Variants in SLC39A9 observed in about 807,000 individuals in gnomAD.
The protein encoded by SLC39A9 is zinc transporter ZIP9.
SLC39A9 carries 14 observed loss-of-function variants against 28.4 expected under a neutral mutation model. The observed-to-expected ratio is 0.49, with a 90% CI of 0.33 to 0.77. The LOEUF (loss-of-function observed/expected upper bound fraction) is 0.77, where lower values mean the gene tolerates loss of function less well. Ranked by LOEUF, SLC39A9 falls within the 30% of genes least tolerant of loss-of-function variation. The pLI is 0.02. For missense variants in SLC39A9, 283 were observed against 381.1 expected (o/e 0.74, Z 2.14); for synonymous variants, 119 against 149.6 (o/e 0.80, Z 1.49).
In SLC39A9 at chr14:69,446,886, A is replaced by AG. The variant is rs1435412076; in HGVS notation, c.403+4620_403+4621insG. 1.4e-4 allele frequency among the ~76,000 whole-genome samples: 20 copies of AG among 146,928 alleles called. 1 individual carries two copies. Among genetic ancestry groups the AG allele is most frequent in the Non-Finnish European group, 2.9e-4 (19 of 66,166 alleles). On this transcript the variant is annotated intron_variant, in intron 3 of 6. Transcript: ENST00000336643. ...TAAACTCTGTCTCAAAAAAAAAAAA[A>AG]AAAGAAAAAGAAAAAAAAATGGGAA...
intron 2 of SLC39A9, among the ~76,000 whole-genome samples, chr14:69,439,644 G>A (rs183552667): frequency 2.6e-5 from 4 of 152,294 alleles, no homozygotes; most frequent in East Asian, 3.9e-4. Flanking sequence ...TGGAGGCGGG[G>A]CCTGGTGGGA....
chr14:69,440,786 G>C (rs1885009218), intron 2 of SLC39A9, among the ~76,000 whole-genome samples: 1 of 152,156 alleles, frequency 6.6e-6, no homozygotes, highest in African/African-American at 2.4e-5. Flanking sequence ...CGATTCTCCT[G>C]CCTCAGCCTC....
intron 2 of SLC39A9, among the ~76,000 whole-genome samples, chr14:69,435,011 A>G (rs762900229): frequency 6.6e-6 from 1 of 152,192 alleles, no homozygotes; most frequent in African/African-American, 2.4e-5. Flanking sequence ...GGTCCAGAAT[A>G]TGGTTTATCT....
chr14:69,453,275 C>G lies in SLC39A9; in HGVS notation c.438C>G (p.Ile146Met). ...CAGCAAGGTCTAGCAATTCCAAAAT[C>G]ACCACCACGCTGGGTCTGGTTGTCC... ...PEAARSSNSK[I>M]TTTLGLVVHA... The change falls in exon 4 of 7, where the codon ATC (isoleucine) becomes ATG (methionine). Residue 146 changes from isoleucine to methionine, a missense_variant. By Grantham distance (10) the Ile-to-Met change is conservative (BLOSUM62 1). Transcript: ENST00000336643. 1 of 1,614,010 alleles carries G rather than the reference C, an allele frequency of 6.2e-7. No homozygotes were observed. Among genetic ancestry groups the G allele is most frequent in the Non-Finnish European group, 8.5e-7 (1 of 1,179,896 alleles).
At chr14:69,455,668 C>T (rs574075096) in intron 5 of SLC39A9, 64 bp from the exon 6 acceptor site, 449 of 1,596,528 alleles carry the variant, frequency 2.8e-4, no homozygotes, top group Non-Finnish European at 3.7e-4. Flanking sequence ...ATGGCATATA[C>T]TTCTTGATGT....
intron 4 of SLC39A9, among the ~76,000 whole-genome samples, 168 bp downstream of exon 4, chr14:69,453,477 C>G (rs1010566944): frequency 4.6e-5 from 7 of 151,596 alleles, no homozygotes; most frequent in African/African-American, 1.2e-4. Flanking sequence ...TGCTCAGTGT[C>G]AGGGGTTTGC....
intron 1 of SLC39A9, among the ~76,000 whole-genome samples, chr14:69,400,400 G>A (rs138196929): frequency 2.6e-5 from 4 of 152,312 alleles, no homozygotes; most frequent in Admixed American, 6.5e-5. Context: ...ATAGATGAAA[G>A]CACTGTTCAG....
rs879026780 is a variant in SLC39A9 at position 69,459,560 on chromosome 14, T to G, written c.*967T>G. 1.1e-3 allele frequency: 1,123 copies of G among 979,176 alleles called. 1 individual carries two copies. The highest frequency in any genetic ancestry group is 1.3e-3 in the Non-Finnish European group (1,044 of 824,668). 60.7% of individuals were successfully genotyped at this position (979,176 alleles called of 1,614,324 possible). On this transcript the variant is annotated 3_prime_UTR_variant, in exon 7 of 7. Transcript: ENST00000336643. ...GTATGGTTGTCCTTTTTTTTTGTTTTTTTTTTTTTTAATTATTTCTCTTAG... is the reference window on the plus strand; with the variant it reads ...GTATGGTTGTCCTTTTTTTTTGTTTGTTTTTTTTTTAATTATTTCTCTTAG...
Position 69,461,585 on chromosome 14 carries a change from G to C in SLC39A9, c.*2992G>C. ...TTTTGAATCATTAGAGAAAAGAAAG[G>C]GAGTGGCTGTTTTGAGTTGTCCTTT... On this transcript the variant is annotated 3_prime_UTR_variant, in exon 7 of 7. Coordinates refer to ENST00000336643, the MANE Select transcript of SLC39A9 (RefSeq NM_018375.5). 6.6e-7 allele frequency: 1 copy of C among 1,510,700 alleles called. No individual in the cohort carries two copies. Among genetic ancestry groups the C allele is most frequent in the Non-Finnish European group, 8.8e-7 (1 of 1,133,658 alleles). The allele number at this position is 1,510,700 out of a possible 1,614,324, so 93.6% of individuals were successfully genotyped here.
In SLC39A9 at chr14:69,458,841, G is replaced by A; in HGVS notation, c.*248G>A. The A allele has an allele frequency of 1.6e-6, 2 of 1,240,148 alleles. No individual in the cohort carries two copies. The highest frequency in any genetic ancestry group is 2.0e-6 in the Non-Finnish European group (2 of 989,558). 76.8% of individuals were successfully genotyped at this position (1,240,148 alleles called of 1,614,324 possible). A position where few individuals can be genotyped will look rare whatever the true frequency, so the allele number is the denominator to read the frequency against. On this transcript the variant is annotated 3_prime_UTR_variant, in exon 7 of 7. Transcript: ENST00000336643. ...TCTTTTAAAAGGCCCTTGACATTTT[G>A]CGTTTTAATATTTCTCTTAACCCTA...
In SLC39A9 at chr14:69,423,003, A is replaced by G. The variant is rs1254529871; in HGVS notation, c.97-1091A>G. ...ATTAGGATTAAGTTGGATTAAAACC[A>G]CAGAAGAATTTTAGCATTGATGTCT... On this transcript the variant is annotated intron_variant, in intron 1 of 6. Transcript: ENST00000336643. Among the ~76,000 whole-genome samples, 4 of 152,244 alleles carry G rather than the reference A, an allele frequency of 2.6e-5. No homozygotes were observed. The East Asian group carries it at 5.8e-4, about 22-fold the overall frequency.
intron 3 of SLC39A9, among the ~76,000 whole-genome samples, chr14:69,442,757 A>T (rs1885108425): frequency 6.6e-6 from 1 of 152,194 alleles, no homozygotes; most frequent in Admixed American, 6.5e-5. Flanking sequence ...TTAGAGTTGA[A>T]TTTTATTTTC....
At chr14:69,407,625 G>C (rs754856100) in intron 1 of SLC39A9, among the ~76,000 whole-genome samples, 1 of 150,954 alleles carries the variant, frequency 6.6e-6, no homozygotes, top group Non-Finnish European at 1.5e-5. Flanking sequence ...CACTGCGCCC[G>C]GCCAATTTTC....
At chr14:69,419,957 C>A (rs984369703) in intron 1 of SLC39A9, among the ~76,000 whole-genome samples, 1 of 152,112 alleles carries the variant, frequency 6.6e-6, no homozygotes. Context: ...ATTCAATTTG[C>A]CAGTCTGTGT....
intron 4 of SLC39A9, 133 bp from the exon 5 acceptor site, chr14:69,454,679 C>A: frequency 1.7e-6 from 1 of 596,462 alleles, no homozygotes; most frequent in Admixed American, 3.1e-5. Context: ...AAAGATAAGG[C>A]TGGCATGTAG....
chr14:69,445,004 G>T (rs530092155), intron 3 of SLC39A9, among the ~76,000 whole-genome samples: 3 of 151,868 alleles, frequency 2.0e-5, no homozygotes, highest in Non-Finnish European at 4.4e-5. Context: ...AAAGATTCAG[G>T]TATCTGTGAA....
chr14:69,441,683 G>A (rs1462172400), intron 2 of SLC39A9: 6 of 422,202 alleles, frequency 1.4e-5, no homozygotes, highest in Non-Finnish European at 1.9e-5. Context: ...CATTGTTACT[G>A]CTCTTCATTT....
At chr14:69,439,227 A>T (rs1884927241) in intron 2 of SLC39A9, among the ~76,000 whole-genome samples, 1 of 152,210 alleles carries the variant, frequency 6.6e-6, no homozygotes, top group Admixed American at 6.5e-5. Context: ...GATATACCTA[A>T]TGTAAATGAG....
chr14:69,417,405 G>A lies in SLC39A9; in HGVS notation c.97-6689G>A, dbSNP rs143408275. Among the ~76,000 whole-genome samples the A allele has an allele frequency of 5.4e-3, 815 of 152,312 alleles. 4 individuals are homozygous for A. The highest frequency in any genetic ancestry group is 0.019 in the African/African-American group (778 of 41,564). On this transcript the variant is annotated intron_variant, in intron 1 of 6. Transcript: ENST00000336643. The stretch of plus-strand genomic sequence containing the variant: ...GTAATATAGTTGGAAGTCAGATAGT[G>A]TGATGCCTCCAGCTTTGTTCTTTTT...
Sources: gnomAD v4.1 joint callset for allele counts (sites outside exome capture counted in the v4.1 genomes callset) on GRCh38, gnomAD v4.1.1 for gene constraint, MANE v1.5 for transcripts, NCBI Gene and HGNC (gene_info 2026-07-23, HGNC 2026-07-21) for gene names.